The following PPP1R17 variants were observed in gnomAD, a reference collection of about 807,000 sequenced individuals.
PPP1R17 encodes the protein protein phosphatase 1 regulatory subunit 17.
A neutral mutation model predicts 15.9 loss-of-function variants in PPP1R17; 12 were observed. The ratio of observed to expected loss-of-function variants is 0.75; its 90% CI spans 0.48 to 1.22. The LOEUF is 1.22. Ranked by LOEUF, PPP1R17 falls within the 50% of genes most tolerant of loss-of-function variation. The pLI is 0.00. For missense variants in PPP1R17, 211 were observed against 187.3 expected (o/e 1.13, Z -0.74); for synonymous variants, 63 against 64.5 (o/e 0.98, Z 0.11).
intron 4 of PPP1R17, among the ~76,000 whole-genome samples, chr7:31,702,646 T>C (rs377252380): frequency 1.1e-4 from 16 of 152,244 alleles, no homozygotes; most frequent in African/African-American, 3.9e-4. Flanking sequence ...TTCTTCTTGT[T>C]GCCTGTATTG....
intron 1 of PPP1R17, 44 bp from the exon 2 acceptor site, chr7:31,692,362 A>C (rs1430429873): frequency 1.7e-6 from 2 of 1,157,258 alleles, no homozygotes; most frequent in East Asian, 2.4e-5. Flanking sequence ...GAATGAATGA[A>C]TAAACAGAGC....
intron 4 of PPP1R17, among the ~76,000 whole-genome samples, chr7:31,703,270 A>G (rs953072972): frequency 1.1e-4 from 16 of 152,232 alleles, no homozygotes; most frequent in African/African-American, 3.9e-4. Context: ...TCTAAGCCAC[A>G]GCATTTTACT....
At chr7:31,689,744 CTT>C (rs1792260297) in intron 1 of PPP1R17, among the ~76,000 whole-genome samples, 1 of 152,104 alleles carries the variant, frequency 6.6e-6, no homozygotes. Context: ...TTGTTCTTTT[CTT>C]TGTGTGAAAA....
At chr7:31,692,951 C>G (rs561044114) in intron 2 of PPP1R17, among the ~76,000 whole-genome samples, 30 of 152,280 alleles carry the variant, frequency 2.0e-4, no homozygotes, top group Non-Finnish European at 3.8e-4. Context: ...TTTAAATAGC[C>G]TTTTTCTGCT....
chr7:31,695,310 A>G (rs565619201), intron 2 of PPP1R17, among the ~76,000 whole-genome samples, 159 bp from the exon 3 acceptor site: 1 of 152,348 alleles, frequency 6.6e-6, no homozygotes, highest in South Asian at 2.1e-4. Context: ...CAAGGCTAAT[A>G]AAGTCCTTTG....
intron 2 of PPP1R17, 92 bp downstream of exon 2, chr7:31,692,615 A>AC (rs766956699): frequency 1.0e-4 from 115 of 1,153,694 alleles, no homozygotes; most frequent in African/African-American, 3.4e-4. Context: ...GAGAGAGGGC[A>AC]CCCCCCGAAA....
At chr7:31,701,427 G>C (rs940587714) in intron 4 of PPP1R17, among the ~76,000 whole-genome samples, 1 of 152,218 alleles carries the variant, frequency 6.6e-6, no homozygotes, top group Non-Finnish European at 1.5e-5. Context: ...GCTTCTGATA[G>C]ATCAGCAAAG....
rs184771544 is a variant in PPP1R17, at chr7:31,696,825, G to A, written c.236-140G>A. 5.1e-5 allele frequency: 48 copies of A among 935,768 alleles called. 1 individual carries two copies. In the African/African-American group the frequency reaches 7.5e-4, roughly 15 times the overall value. 58.0% of individuals were successfully genotyped at this position (935,768 alleles called of 1,614,324 possible). On this transcript the variant is annotated intron_variant, in intron 3 of 4. Transcript: ENST00000342032. ...CTCAATAAATACTAATGCTTCTTAT[G>A]AAAAGTCTTGCTTTATTAAAGTAAG... is the stretch of plus-strand genomic sequence containing the variant.
chr7:31,703,932 C>G (rs1034982909), intron 4 of PPP1R17, among the ~76,000 whole-genome samples: 1 of 152,204 alleles, frequency 6.6e-6, no homozygotes, highest in African/African-American at 2.4e-5. Context: ...GCTTAGCCTA[C>G]AGTTGCCAGG....
intron 4 of PPP1R17, among the ~76,000 whole-genome samples, chr7:31,698,177 C>T (rs1187380863): frequency 1.3e-5 from 2 of 152,162 alleles, no homozygotes. Context: ...TGTTATAAAA[C>T]TATATTTCCC....
intron 1 of PPP1R17, among the ~76,000 whole-genome samples, chr7:31,690,702 G>A (rs537056134): frequency 1.3e-5 from 2 of 152,180 alleles, no homozygotes; most frequent in Non-Finnish European, 2.9e-5. Context: ...GTTAAAAACC[G>A]CCTTACCTTT....
At chr7:31,702,532 C>A (rs930366388) in intron 4 of PPP1R17, among the ~76,000 whole-genome samples, 1 of 152,224 alleles carries the variant, frequency 6.6e-6, no homozygotes, top group African/African-American at 2.4e-5. Flanking sequence ...TGCTATCAGA[C>A]CCCTTCAGGT....
chr7:31,701,910 G>A (rs1180731470), intron 4 of PPP1R17, among the ~76,000 whole-genome samples: 1 of 152,164 alleles, frequency 6.6e-6, no homozygotes, highest in African/African-American at 2.4e-5. Flanking sequence ...ACTTTTATGT[G>A]CAATGGGAAA....
chr7:31,696,897 C>T, intron 3 of PPP1R17, 68 bp from the exon 4 acceptor site: 1 of 1,523,652 alleles, frequency 6.6e-7, no homozygotes, highest in South Asian at 1.3e-5. Flanking sequence ...TATAAATATG[C>T]ACAGTCCTCA....
In PPP1R17 at chr7:31,692,538, G is replaced by C. The variant is rs746294720; in HGVS notation, c.82+15G>C. The stretch of plus-strand genomic sequence containing the variant: ...CAGCCACTTAGGTAAACAAATGATC[G>C]ATTGTGAATGTCAGTGGTGGAAGTC... On this transcript the variant is annotated intron_variant, in intron 2 of 4. Transcript: ENST00000342032. 1 of 1,575,864 alleles carries C rather than the reference G, an allele frequency of 6.3e-7. No homozygotes were observed. Among genetic ancestry groups the C allele is most frequent in the Non-Finnish European group, 8.7e-7 (1 of 1,145,574 alleles).
At chr7:31,691,439 T>C (rs953934973) in intron 1 of PPP1R17, among the ~76,000 whole-genome samples, 1 of 152,178 alleles carries the variant, frequency 6.6e-6, no homozygotes, top group African/African-American at 2.4e-5. Flanking sequence ...TAGTAGGACA[T>C]GAGTAATAAA....
At chr7:31,696,728 C>T (rs1792599141) in intron 3 of PPP1R17, among the ~76,000 whole-genome samples, 1 of 152,152 alleles carries the variant, frequency 6.6e-6, no homozygotes, top group South Asian at 2.1e-4. Context: ...CTAAATTCCT[C>T]AGGGTTTTAG....
rs917336911 is a variant in PPP1R17, at chr7:31,692,322, T to C, written c.-36-84T>C. ...GGATTGGGAACACAATAGCAGGTGC[T>C]CAACAAATATATTTACTTAGCAAAT... On this transcript the variant is annotated intron_variant, in intron 1 of 4. Coordinates refer to ENST00000342032, the MANE Select transcript of PPP1R17 (RefSeq NM_006658.5). 39 of 799,720 alleles carry C rather than the reference T, an allele frequency of 4.9e-5. No individual in the cohort carries two copies. The Middle Eastern group carries it at 7.1e-4, about 15-fold the overall frequency. 49.5% of individuals were successfully genotyped at this position (799,720 alleles called of 1,614,324 possible).
At chr7:31,698,311 A>G (rs1246548053) in intron 4 of PPP1R17, among the ~76,000 whole-genome samples, 1 of 152,114 alleles carries the variant, frequency 6.6e-6, no homozygotes, top group African/African-American at 2.4e-5. Context: ...GCTCCATGGG[A>G]TTTGTGTTCT....
Sources: gnomAD v4.1 joint callset for allele counts (sites outside exome capture counted in the v4.1 genomes callset) on GRCh38, gnomAD v4.1.1 for gene constraint, MANE v1.5 for transcripts, NCBI Gene and HGNC (gene_info 2026-07-23, HGNC 2026-07-21) for gene names.